The following ATG13 variants were observed in gnomAD, a reference collection of about 807,000 sequenced individuals.
The protein encoded by ATG13 is autophagy related 13, also known as autophagy-related protein 13.
ATG13 carries 23 observed loss-of-function variants against 65.5 expected under a neutral mutation model. That is an observed-to-expected ratio of 0.35 (90% CI 0.25 to 0.50). ATG13 has a LOEUF of 0.50. ATG13 is among the 20% of genes least tolerant of loss of function. The pLI is 0.98. For synonymous variants in ATG13, 252 were observed against 245.2 expected (o/e 1.03, Z -0.26); for missense variants, 566 against 677.0 (o/e 0.84, Z 1.82).
intron 13 of ATG13, 110 bp from the exon 14 acceptor site, chr11:46,665,273 C>A (rs986313478): frequency 2.9e-6 from 4 of 1,357,994 alleles, no homozygotes; most frequent in Non-Finnish European, 4.1e-6. Flanking sequence ...TACTTGGTGG[C>A]AGCGTTGGTG....
intron 2 of ATG13, among the ~76,000 whole-genome samples, chr11:46,640,929 C>T (rs1181833695): frequency 1.3e-5 from 2 of 152,196 alleles, no homozygotes; most frequent in East Asian, 3.8e-4. Flanking sequence ...TTAAGCTAAA[C>T]ATACGTACCG....
Position 46,664,784 on chromosome 11 carries a change from C to A in ATG13, c.889-65C>A, listed in dbSNP as rs150606461. 2.1e-4 allele frequency: 298 copies of A among 1,432,808 alleles called. 1 individual carries two copies. In the African/African-American group the frequency reaches 3.8e-3, roughly 18 times the overall value. 88.8% of individuals were successfully genotyped at this position (1,432,808 alleles called of 1,614,324 possible). On this transcript the variant is annotated intron_variant, in intron 12 of 18. Transcript: ENST00000683050. ...CTCTACTGAGCCATCTTGTTTGTCA[C>A]GCTCTGGGATTGCCTATTTTTTCCT... is the stretch of plus-strand genomic sequence containing the variant.
chr11:46,627,804 A>G (rs1164175701), intron 1 of ATG13, among the ~76,000 whole-genome samples: 1 of 152,060 alleles, frequency 6.6e-6, no homozygotes, highest in Non-Finnish European at 1.5e-5. Context: ...TTTTAAGGCC[A>G]AGCGCAGTGG....
chr11:46,634,960 CA>C (rs979605710), intron 2 of ATG13, among the ~76,000 whole-genome samples: 5 of 152,204 alleles, frequency 3.3e-5, no homozygotes, highest in African/African-American at 1.2e-4. Flanking sequence ...CTCAGCCTCC[CA>C]AAGTGCTGGG....
intron 4 of ATG13, 50 bp downstream of exon 4, chr11:46,645,469 G>T: frequency 6.6e-7 from 1 of 1,518,634 alleles, no homozygotes; most frequent in South Asian, 1.2e-5. Context: ...TTGTCACAAG[G>T]AATGTGTAAA....
intron 11 of ATG13, among the ~76,000 whole-genome samples, chr11:46,662,991 C>T (rs969099212): frequency 6.6e-6 from 1 of 152,072 alleles, no homozygotes; most frequent in South Asian, 2.1e-4. Context: ...ACAGTCCAGG[C>T]GCGGTGGCTC....
chr11:46,661,556 A>G (rs987922652), intron 11 of ATG13, among the ~76,000 whole-genome samples: 2 of 150,402 alleles, frequency 1.3e-5, no homozygotes, highest in Non-Finnish European at 3.0e-5. Flanking sequence ...TGCAAGGCTC[A>G]GTAGCTCATG....
chr11:46,672,044 C>T (rs1322460628), intron 18 of ATG13, among the ~76,000 whole-genome samples: 1 of 152,208 alleles, frequency 6.6e-6, no homozygotes, highest in Non-Finnish European at 1.5e-5. Context: ...CTCCCAAGGC[C>T]GTTCCATTAA....
intron 10 of ATG13, 31 bp downstream of exon 10, chr11:46,657,653 C>G (rs767017297): frequency 4.6e-5 from 71 of 1,533,480 alleles, no homozygotes; most frequent in Non-Finnish European, 5.8e-5. Context: ...CTCTCCCAAA[C>G]TGCAGCTGGG....
intron 2 of ATG13, among the ~76,000 whole-genome samples, chr11:46,637,204 A>G (rs2054277518): frequency 2.0e-5 from 3 of 152,158 alleles, no homozygotes; most frequent in African/African-American, 7.2e-5. Flanking sequence ...ATTAAATTGT[A>G]TACTTTCAAC....
Position 46,674,279 on chromosome 11 carries a change from C to T in ATG13, c.*1947C>T, listed in dbSNP as rs150799521. 5.6e-4 allele frequency: 85 copies of T among 152,310 alleles called. No individual in the cohort carries two copies. The highest frequency in any genetic ancestry group is 1.9e-3 in the African/African-American group (80 of 41,540). The allele number at this position is 152,310 out of a possible 1,614,324, so 9.4% of individuals were successfully genotyped here. On this transcript the variant is annotated 3_prime_UTR_variant, in exon 19 of 19. Coordinates refer to ENST00000683050, the MANE Select transcript of ATG13 (RefSeq NM_001346311.2). ...GTCTCAGCCATGACTTTGAGCTGAG[C>T]TTGGGAGAAGTAAAGCAACTGTTAA...
At chr11:46,632,271 A>AT (rs2052075881) in intron 2 of ATG13, 1 of 152,200 alleles carries the variant, frequency 6.6e-6, no homozygotes, top group African/African-American at 2.4e-5. Flanking sequence ...AACTGCATAA[A>AT]TTTTTTTGTG....
At position 46,673,018 on chromosome 11, in the gene ATG13, A is replaced by G; in HGVS notation, c.*686A>G. The G allele has an allele frequency of 4.7e-6, 1 of 214,952 alleles. No individual in the cohort carries two copies. Among genetic ancestry groups the G allele is most frequent in the Non-Finnish European group, 9.5e-6 (1 of 105,146 alleles). 13.3% of individuals were successfully genotyped at this position (214,952 alleles called of 1,614,324 possible). ...GCTCAGGTCCTCAGCTCCATGGGAA[A>G]TAAAAATGGCACCCTGAATCTCTAG... On this transcript the variant is annotated 3_prime_UTR_variant, in exon 19 of 19. Coordinates refer to ENST00000683050, the MANE Select transcript of ATG13 (RefSeq NM_001346311.2).
At chr11:46,626,305 C>T (rs568140914) in intron 1 of ATG13, among the ~76,000 whole-genome samples, 1 of 152,098 alleles carries the variant, frequency 6.6e-6, no homozygotes, top group East Asian at 1.9e-4. Flanking sequence ...GGCTGGAGTG[C>T]AGTGGCACAA....
chr11:46,642,370 A>G (rs926144358), intron 2 of ATG13, among the ~76,000 whole-genome samples: 11 of 145,202 alleles, frequency 7.6e-5, no homozygotes, highest in Non-Finnish European at 8.9e-5. Flanking sequence ...CAGTGGCGCA[A>G]TCTCAGCCCA....
chr11:46,670,373 CG>C (rs1456502984), intron 18 of ATG13, among the ~76,000 whole-genome samples: 1 of 150,160 alleles, frequency 6.7e-6, no homozygotes, highest in African/African-American at 2.5e-5. Context: ...CCCAGCCACT[CG>C]GGAGGCAGAG....
chr11:46,624,679 C>G (rs1757107813), intron 1 of ATG13, among the ~76,000 whole-genome samples: 1 of 152,074 alleles, frequency 6.6e-6, no homozygotes, highest in South Asian at 2.1e-4. Context: ...AAGTCAGTTT[C>G]TTCAATTGTT....
intron 17 of ATG13, 68 bp from the exon 18 acceptor site, chr11:46,669,336 G>A: frequency 6.4e-7 from 1 of 1,570,152 alleles, no homozygotes; most frequent in Non-Finnish European, 8.7e-7. Context: ...TAGAAGGAAA[G>A]ACTTGTTCAT....
intron 7 of ATG13, 128 bp from the exon 8 acceptor site, chr11:46,656,105 C>A: frequency 2.7e-6 from 2 of 736,490 alleles, no homozygotes; most frequent in East Asian, 2.6e-5. Flanking sequence ...ACTAATGCTC[C>A]ATCAGCAGAG....
Sources: gnomAD v4.1 joint callset for allele counts (sites outside exome capture counted in the v4.1 genomes callset) on GRCh38, gnomAD v4.1.1 for gene constraint, MANE v1.5 for transcripts, NCBI Gene and HGNC (gene_info 2026-07-23, HGNC 2026-07-21) for gene names.